Variants in HDGFL3 observed in about 807,000 individuals in gnomAD.
HDGFL3 encodes the protein hepatoma-derived growth factor-related protein 3.
In HDGFL3, 6 loss-of-function variants were observed where a neutral mutation model predicts 27.6. The observed-to-expected ratio is 0.22, with a 90% CI of 0.12 to 0.43. HDGFL3 has a LOEUF of 0.43. HDGFL3 is among the 20% of genes least tolerant of loss of function. The pLI, the probability that HDGFL3 is intolerant of heterozygous loss-of-function variation, is 1.00. For missense variants in HDGFL3, 207 were observed against 250.1 expected (o/e 0.83, Z 1.16); for synonymous variants, 88 against 88.9 (o/e 0.99, Z 0.05).
At chr15:83,169,338 C>T (rs2037214052) in intron 1 of HDGFL3, 1 of 304,576 alleles carries the variant, frequency 3.3e-6, no homozygotes, top group Non-Finnish European at 6.7e-6. Context: ...TGGCGTGAAC[C>T]CGGGAGGCGG....
intron 1 of HDGFL3, among the ~76,000 whole-genome samples, chr15:83,168,850 G>A (rs2037205918): frequency 6.6e-6 from 1 of 152,126 alleles, no homozygotes; most frequent in Non-Finnish European, 1.5e-5. Context: ...CAATATCCCT[G>A]ATGAAAGCAG....
chr15:83,117,584 G>T (rs1017175501), intron 3 of HDGFL3, among the ~76,000 whole-genome samples: 3 of 152,114 alleles, frequency 2.0e-5, no homozygotes, highest in African/African-American at 7.2e-5. Flanking sequence ...TAGGAAGGAG[G>T]CGGCTGACGA....
intron 1 of HDGFL3, among the ~76,000 whole-genome samples, chr15:83,169,804 C>A (rs2037223092): frequency 1.3e-5 from 2 of 152,010 alleles, no homozygotes; most frequent in South Asian, 4.1e-4. Context: ...CATCTCAAAA[C>A]AAACAAACAA....
chr15:83,112,905 G>A (rs765456054), exon 4 of HDGFL3: 28 of 1,604,354 alleles, frequency 1.7e-5, no homozygotes, highest in East Asian at 6.7e-5. Context: ...TCTATGGTAC[G>A]TCTCCACAAA....
chr15:83,130,928 A>C lies in HDGFL3; in HGVS notation c.*8342T>G, dbSNP rs936030016. 4.0e-5 allele frequency: 6 copies of C among 151,724 alleles called. No homozygotes were observed. The highest frequency in any genetic ancestry group is 7.4e-5 in the Non-Finnish European group (5 of 67,940). 9.4% of individuals were successfully genotyped at this position (151,724 alleles called of 1,614,324 possible). ...CAACATGGTAAAACCCCATCTCTACAAAAAATACAAAAATTAGGCTGGCGT... is the reference window on the plus strand; with the variant it reads ...CAACATGGTAAAACCCCATCTCTACCAAAAATACAAAAATTAGGCTGGCGT... On this transcript the variant is annotated 3_prime_UTR_variant, in exon 6 of 6. Transcript: ENST00000299633.
intron 1 of HDGFL3, among the ~76,000 whole-genome samples, chr15:83,164,407 A>G (rs1029886771): frequency 2.7e-5 from 4 of 148,124 alleles, no homozygotes; most frequent in Non-Finnish European, 4.5e-5. Flanking sequence ...ATACAAAAAG[A>G]TGTACTTCTT....
At chr15:83,163,957 A>G (rs1014054385) in intron 2 of HDGFL3, 42 bp downstream of exon 2, 2 of 1,219,020 alleles carry the variant, frequency 1.6e-6, no homozygotes, top group Middle Eastern at 1.9e-4. Flanking sequence ...GTAGCATAGC[A>G]GAGTCAAGCT....
At chr15:83,115,684 C>A in exon 4 of HDGFL3, 3 of 702,936 alleles carry the variant, frequency 4.3e-6, no homozygotes, top group Non-Finnish European at 7.8e-6. Context: ...GGAGGTCCAG[C>A]TGGGTGTGTA....
chr15:83,120,227 C>T (rs1009097925), intron 3 of HDGFL3: 1 of 157,726 alleles, frequency 6.3e-6, no homozygotes, highest in African/African-American at 2.4e-5. Flanking sequence ...ATTGGTACCC[C>T]CATCATGATA....
At chr15:83,159,064 C>T (rs1406172586) in intron 2 of HDGFL3, among the ~76,000 whole-genome samples, 1 of 152,158 alleles carries the variant, frequency 6.6e-6, no homozygotes, top group Admixed American at 6.5e-5. Flanking sequence ...TGGTCTCGAA[C>T]TCCTGACTTC....
chr15:83,144,759 G>T, intron 5 of HDGFL3: 2 of 342,826 alleles, frequency 5.8e-6, no homozygotes, highest in Non-Finnish European at 1.2e-5. Context: ...AGTTCCTTTT[G>T]CAAGAGACCC....
rs565493197 is a variant in HDGFL3 at position 83,118,993 on chromosome 15, T to C, written c.394-3252A>G. On this transcript the variant is annotated intron_variant, in intron 3 of 3. Coordinates refer to the HDGFL3 transcript ENST00000568294. ...AAGTCTTGTAATCTCAGAGCATCTGTTTCCTCATCTGTAAAATGGACTCAA... is the reference window on the plus strand; with the variant it reads ...AAGTCTTGTAATCTCAGAGCATCTGCTTCCTCATCTGTAAAATGGACTCAA... Among the ~76,000 whole-genome samples, 25 of 152,290 alleles carry C rather than the reference T, an allele frequency of 1.6e-4. 1 individual carries two copies. The South Asian group carries it at 5.0e-3, about 30-fold the overall frequency.
chr15:83,114,968 C>T (rs2151341794), exon 4 of HDGFL3: 1 of 152,386 alleles, frequency 6.6e-6, no homozygotes, highest in African/African-American at 2.4e-5. Flanking sequence ...TTTTTAACAT[C>T]ACTAGTCTTT....
intron 5 of HDGFL3, among the ~76,000 whole-genome samples, chr15:83,143,341 T>C (rs372629583): frequency 3.3e-5 from 5 of 151,852 alleles, no homozygotes; most frequent in East Asian, 3.9e-4. Context: ...TCGAAGCACT[T>C]TGGGAGGTTG....
chr15:83,162,478 G>A (rs550549021), intron 2 of HDGFL3, among the ~76,000 whole-genome samples: 4 of 152,094 alleles, frequency 2.6e-5, no homozygotes, highest in East Asian at 1.9e-4. Context: ...AAATGGGGGC[G>A]GGAATAAGGA....
intron 1 of HDGFL3, among the ~76,000 whole-genome samples, chr15:83,182,109 CT>C (rs758167320): frequency 6.6e-6 from 1 of 152,130 alleles, no homozygotes; most frequent in Non-Finnish European, 1.5e-5. Context: ...AGATATTTCC[CT>C]TTTCTCATAG....
At chr15:83,206,284 C>T (rs1271949474) in intron 1 of HDGFL3, among the ~76,000 whole-genome samples, 4 of 152,120 alleles carry the variant, frequency 2.6e-5, no homozygotes, top group South Asian at 4.1e-4. Context: ...AGAGCTCACA[C>T]TATATTTATG....
At chr15:83,177,773 A>G (rs1226062483) in intron 1 of HDGFL3, among the ~76,000 whole-genome samples, 1 of 152,166 alleles carries the variant, frequency 6.6e-6, no homozygotes, top group Non-Finnish European at 1.5e-5. Context: ...AGGATGTATA[A>G]TATGTATATT....
rs964482720 is a variant in HDGFL3 at position 83,131,113 on chromosome 15, A to C, written c.*8157T>G. On this transcript the variant is annotated 3_prime_UTR_variant, in exon 6 of 6. Coordinates refer to ENST00000299633, the MANE Select transcript of HDGFL3 (RefSeq NM_016073.4). ...TCTCTCCCACCACCACAAAAAAACA[A>C]AACAAAACAAAAATAGGCATTTTTC... 2 of 152,092 alleles carry C rather than the reference A, an allele frequency of 1.3e-5. No individual in the cohort carries two copies. The highest frequency in any genetic ancestry group is 2.4e-5 in the African/African-American group (1 of 41,416). The allele number at this position is 152,092 out of a possible 1,614,324, so 9.4% of individuals were successfully genotyped here. A position where few individuals can be genotyped will look rare whatever the true frequency, so the allele number is the denominator to read the frequency against.
Sources: allele counts gnomAD v4.1 joint callset (sites outside exome capture counted in the v4.1 genomes callset), GRCh38; gene constraint gnomAD v4.1.1; transcripts MANE v1.5; gene names NCBI Gene and HGNC (gene_info 2026-07-23, HGNC 2026-07-21).